SPATS2L: variants seen among roughly 807,000 people sequenced by gnomAD.
SPATS2L encodes spermatogenesis associated serine rich 2 like, also known as SPATS2-like protein.
A neutral mutation model predicts 59.6 loss-of-function variants in SPATS2L; 30 were observed. That is an observed-to-expected ratio of 0.50 (90% CI 0.38 to 0.68). SPATS2L has a LOEUF of 0.68. Among genes scored for constraint, SPATS2L ranks in the 30% least tolerant of loss-of-function variants. SPATS2L has a pLI of 0.00. For missense variants in SPATS2L, 615 were observed against 700.0 expected (o/e 0.88, Z 1.37); for synonymous variants, 252 against 263.5 (o/e 0.96, Z 0.42).
At chr2:200,394,967 T>G (rs2082286391) in intron 3 of SPATS2L, among the ~76,000 whole-genome samples, 1 of 152,190 alleles carries the variant, frequency 6.6e-6, no homozygotes, top group Admixed American at 6.5e-5. Flanking sequence ...TGTCACTCTG[T>G]GAAGGTGAGC....
intron 8 of SPATS2L, among the ~76,000 whole-genome samples, chr2:200,450,697 G>A (rs1240987924): frequency 6.6e-6 from 1 of 152,128 alleles, no homozygotes; most frequent in East Asian, 1.9e-4. Context: ...TGAGTCTAGT[G>A]AGTACAAATG....
At chr2:200,425,466 G>C (rs190912177) in intron 6 of SPATS2L, among the ~76,000 whole-genome samples, 19 of 152,290 alleles carry the variant, frequency 1.2e-4, no homozygotes, top group African/African-American at 4.6e-4. Context: ...CGTTAGACAT[G>C]TTTGGTTTCA....
At chr2:200,348,676 A>G (rs1158739363) in intron 2 of SPATS2L, among the ~76,000 whole-genome samples, 3 of 152,104 alleles carry the variant, frequency 2.0e-5, no homozygotes, top group East Asian at 3.9e-4. Flanking sequence ...CCAGTAGATC[A>G]CTAAGCTCTA....
intron 3 of SPATS2L, among the ~76,000 whole-genome samples, chr2:200,396,306 G>A (rs2082352842): frequency 6.6e-6 from 1 of 151,392 alleles, no homozygotes; most frequent in Admixed American, 6.6e-5. Flanking sequence ...GAGGTAAATT[G>A]GTTTATAAAC....
rs11690441 is a variant in SPATS2L, at chr2:200,450,296, T to C, written c.789-9473T>C. ...CTCTTCCAGAGTAGCATTTGGGAAA[T>C]TTCTTTTCCTCTACACCAAGACACT... On this transcript the variant is annotated intron_variant, in intron 8 of 12. Transcript: ENST00000409140. Among the ~76,000 whole-genome samples, 890 of 152,280 alleles carry C rather than the reference T, an allele frequency of 5.8e-3. 2 individuals carry two copies. Among genetic ancestry groups the C allele is most frequent in the Admixed American group, 7.8e-3 (120 of 15,298 alleles).
At chr2:200,360,773 A>T (rs1185940966) in intron 2 of SPATS2L, among the ~76,000 whole-genome samples, 2 of 152,128 alleles carry the variant, frequency 1.3e-5, no homozygotes, top group African/African-American at 4.8e-5. Context: ...CCTGAAAAGG[A>T]GCACTCTTTC....
chr2:200,396,502 G>C (rs188530280), intron 3 of SPATS2L, among the ~76,000 whole-genome samples: 1 of 152,074 alleles, frequency 6.6e-6, no homozygotes, highest in Non-Finnish European at 1.5e-5. Context: ...GAATAAATAT[G>C]TACTATTTTA....
chr2:200,463,546 A>T (rs2086388390), intron 9 of SPATS2L, among the ~76,000 whole-genome samples: 2 of 152,324 alleles, frequency 1.3e-5, no homozygotes, highest in South Asian at 4.1e-4. Flanking sequence ...ATACTATACG[A>T]AACACCTCAT....
At chr2:200,410,411 A>AAG (rs1175300960) in intron 3 of SPATS2L, among the ~76,000 whole-genome samples, 1 of 32,528 alleles carries the variant, frequency 3.1e-5, no homozygotes, top group Non-Finnish European at 1.9e-4. Flanking sequence ...AAACAAAACA[A>AAG]CAAAAAAAAA....
chr2:200,426,633 G>A (rs1415840008), intron 6 of SPATS2L, among the ~76,000 whole-genome samples: 4 of 152,044 alleles, frequency 2.6e-5, no homozygotes, highest in African/African-American at 9.7e-5. Flanking sequence ...GGGCTGAGGT[G>A]AGAGGATCAC....
At chr2:200,414,387 C>T (rs1279597871) in intron 4 of SPATS2L, among the ~76,000 whole-genome samples, 4 of 152,130 alleles carry the variant, frequency 2.6e-5, no homozygotes, top group Admixed American at 2.0e-4. Context: ...GTAACCCCAG[C>T]ATACTGGGAG....
At chr2:200,319,450 A>G (rs1239122209) in intron 1 of SPATS2L, among the ~76,000 whole-genome samples, 2 of 151,554 alleles carry the variant, frequency 1.3e-5, no homozygotes, top group East Asian at 1.9e-4. Context: ...CTGTAATCCC[A>G]GCTACTCAGG....
At chr2:200,357,034 G>C (rs1272386757) in intron 2 of SPATS2L, among the ~76,000 whole-genome samples, 2 of 152,190 alleles carry the variant, frequency 1.3e-5, no homozygotes, top group Non-Finnish European at 2.9e-5. Context: ...AACTTTAAGG[G>C]ATACATTCAA....
At chr2:200,316,794 G>T (rs2079395835) in intron 1 of SPATS2L, among the ~76,000 whole-genome samples, 1 of 152,090 alleles carries the variant, frequency 6.6e-6, no homozygotes. Flanking sequence ...TCCCTTCTAG[G>T]CCTCTTTAGT....
At chr2:200,369,015 A>G (rs2081343764) in intron 2 of SPATS2L, among the ~76,000 whole-genome samples, 2 of 151,672 alleles carry the variant, frequency 1.3e-5, no homozygotes, top group Admixed American at 6.6e-5. Context: ...ACACATACAC[A>G]TGTACTCCAA....
intron 4 of SPATS2L, among the ~76,000 whole-genome samples, chr2:200,416,000 C>T (rs2083042304): frequency 6.6e-6 from 1 of 152,056 alleles, no homozygotes; most frequent in Non-Finnish European, 1.5e-5. Flanking sequence ...TTCAGAATCC[C>T]ATATTTGGTT....
At chr2:200,385,965 C>T (rs972360029) in intron 2 of SPATS2L, among the ~76,000 whole-genome samples, 12 of 152,220 alleles carry the variant, frequency 7.9e-5, no homozygotes, top group African/African-American at 2.2e-4. Flanking sequence ...AGTGCTGGAC[C>T]ACAGGCGTGA....
At chr2:200,307,847 A>G (rs1021204234) in intron 1 of SPATS2L, among the ~76,000 whole-genome samples, 10 of 152,194 alleles carry the variant, frequency 6.6e-5, no homozygotes, top group African/African-American at 2.4e-4. Flanking sequence ...GGGGTTTTGG[A>G]GACCTGACAC....
At chr2:200,474,102 T>C (rs1017828986) in intron 12 of SPATS2L, among the ~76,000 whole-genome samples, 3 of 147,302 alleles carry the variant, frequency 2.0e-5, no homozygotes, top group Non-Finnish European at 4.4e-5. Flanking sequence ...AAAAGTCTTT[T>C]CTTTTTTTTT....
Sources: gnomAD v4.1 joint callset for allele counts (sites outside exome capture counted in the v4.1 genomes callset) on GRCh38, gnomAD v4.1.1 for gene constraint, MANE v1.5 for transcripts, NCBI Gene and HGNC (gene_info 2026-07-23, HGNC 2026-07-21) for gene names.